Variants in SLC39A8 observed in about 807,000 individuals in gnomAD.
SLC39A8 encodes the protein metal cation symporter ZIP8.
SLC39A8 carries 15 observed loss-of-function variants against 40.4 expected under a neutral mutation model. The ratio of observed to expected loss-of-function variants is 0.37; its 90% CI spans 0.25 to 0.57. SLC39A8 has a LOEUF of 0.57. SLC39A8 is among the 20% of genes least tolerant of loss of function. The probability of loss-of-function intolerance (pLI) is 0.75; values close to 1 mark genes in which losing one functional copy is unlikely to be tolerated. For missense variants in SLC39A8, 472 were observed against 558.8 expected (o/e 0.84, Z 1.57); for synonymous variants, 223 against 221.6 (o/e 1.01, Z -0.06).
At chr4:102,304,937 A>G in intron 5 of SLC39A8, 52 bp downstream of exon 5, 1 of 1,496,490 alleles carries the variant, frequency 6.7e-7, no homozygotes, top group South Asian at 1.2e-5. Flanking sequence ...TTGCCTATAT[A>G]AAGTAGCTTT....
chr4:102,290,515 C>T (rs1271870798), intron 6 of SLC39A8, among the ~76,000 whole-genome samples: 1 of 152,038 alleles, frequency 6.6e-6, no homozygotes, highest in African/African-American at 2.4e-5. Context: ...GATCACCTGG[C>T]TCCCAGTGCA....
At chr4:102,328,311 A>C (rs1000644995) in intron 2 of SLC39A8, among the ~76,000 whole-genome samples, 1 of 151,394 alleles carries the variant, frequency 6.6e-6, no homozygotes, top group Admixed American at 6.6e-5. Flanking sequence ...GCTAAATACA[A>C]TGGGTGCTTC....
intron 3 of SLC39A8, among the ~76,000 whole-genome samples, chr4:102,310,922 C>T (rs181890087): frequency 5.4e-4 from 82 of 152,154 alleles, no homozygotes; most frequent in Admixed American, 7.9e-4. Flanking sequence ...CTTCTAAGAA[C>T]TTTACCTATT....
At chr4:102,341,539 T>A (rs1157240220) in intron 2 of SLC39A8, among the ~76,000 whole-genome samples, 2 of 152,204 alleles carry the variant, frequency 1.3e-5, no homozygotes, top group African/African-American at 2.4e-5. Context: ...CAGACCTTTA[T>A]CCAGAAATGA....
chr4:102,339,824 T>C (rs1004783649), intron 2 of SLC39A8, among the ~76,000 whole-genome samples: 5 of 152,114 alleles, frequency 3.3e-5, no homozygotes, highest in Non-Finnish European at 5.9e-5. Context: ...TCCAATACAT[T>C]CCACACTCTC....
At chr4:102,265,720 A>G (rs1309615316) in intron 8 of SLC39A8, among the ~76,000 whole-genome samples, 2 of 152,258 alleles carry the variant, frequency 1.3e-5, no homozygotes, top group Non-Finnish European at 2.9e-5. Context: ...TGATAGCTTA[A>G]TAGGAATATC....
downstream of SLC39A8, among the ~76,000 whole-genome samples, chr4:102,257,750 G>A (rs1731741408): frequency 6.6e-6 from 1 of 152,288 alleles, no homozygotes; most frequent in South Asian, 2.1e-4. Context: ...ATTTAGTCAC[G>A]GAGTAATGTC....
rs757617046 is a variant in SLC39A8, at chr4:102,262,323, A to G, written c.*721T>C. 8 of 985,614 alleles carry G rather than the reference A, an allele frequency of 8.1e-6. No homozygotes were observed. The highest frequency in any genetic ancestry group is 8.4e-6 in the Non-Finnish European group (7 of 829,932). 61.1% of individuals were successfully genotyped at this position (985,614 alleles called of 1,614,324 possible). On this transcript the variant is annotated 3_prime_UTR_variant, in exon 9 of 9. Coordinates refer to ENST00000356736, the MANE Select transcript of SLC39A8 (RefSeq NM_001135146.2). Reference sequence around the variant, plus strand: ...CATTTGTGAGGGGTGCAACCACAACATAAGTCAGAAAAAAAGCTATCCAGC... The same window carrying G: ...CATTTGTGAGGGGTGCAACCACAACGTAAGTCAGAAAAAAAGCTATCCAGC...
At chr4:102,282,310 A>C (rs11733504) in intron 6 of SLC39A8, among the ~76,000 whole-genome samples, 1 of 152,080 alleles carries the variant, frequency 6.6e-6, no homozygotes, top group East Asian at 1.9e-4. Context: ...CTCTCATGAC[A>C]TGTTCACAAA....
chr4:102,325,964 C>T (rs998271462), intron 2 of SLC39A8, among the ~76,000 whole-genome samples: 4 of 152,116 alleles, frequency 2.6e-5, no homozygotes, highest in African/African-American at 4.8e-5. Flanking sequence ...TTCAGCTTTT[C>T]GAGGTCTTGT....
In SLC39A8 at chr4:102,262,745, T is replaced by C. The variant is rs1373994656; in HGVS notation, c.*299A>G. ...CTGAGTCTGAGTGTCTACATGATTA[T>C]AGAATGCATGTCTCTTGCTTCATGG... On this transcript the variant is annotated 3_prime_UTR_variant, in exon 9 of 9. Coordinates refer to ENST00000356736, the MANE Select transcript of SLC39A8 (RefSeq NM_001135146.2). 6 of 1,069,044 alleles carry C rather than the reference T, an allele frequency of 5.6e-6. No homozygotes were observed. In the African/African-American group the frequency reaches 8.4e-5, roughly 15 times the overall value. 66.2% of individuals were successfully genotyped at this position (1,069,044 alleles called of 1,614,324 possible). A position where few individuals can be genotyped will look rare whatever the true frequency, so the allele number is the denominator to read the frequency against.
intron 2 of SLC39A8, among the ~76,000 whole-genome samples, chr4:102,329,745 T>A (rs1735368086): frequency 6.6e-6 from 1 of 150,886 alleles, no homozygotes. Context: ...CAGCACCACA[T>A]CGCACTTATT....
intron 2 of SLC39A8, among the ~76,000 whole-genome samples, chr4:102,318,484 A>G (rs1578610000): frequency 6.6e-6 from 1 of 152,216 alleles, no homozygotes; most frequent in South Asian, 2.1e-4. Flanking sequence ...ACAGTGGCCT[A>G]TTTCTGGCTT....
chr4:102,298,320 C>T (rs1733764221), intron 6 of SLC39A8, among the ~76,000 whole-genome samples: 1 of 151,924 alleles, frequency 6.6e-6, no homozygotes, highest in Non-Finnish European at 1.5e-5. Context: ...CTGTCCAGGG[C>T]AGGGATGCTC....
intron 6 of SLC39A8, among the ~76,000 whole-genome samples, chr4:102,278,343 T>C (rs1174428766): frequency 1.3e-5 from 2 of 152,168 alleles, no homozygotes; most frequent in African/African-American, 4.8e-5. Context: ...GAACAGACAC[T>C]TTTCAAAAGA....
intron 2 of SLC39A8, among the ~76,000 whole-genome samples, chr4:102,319,884 G>C (rs1200747293): frequency 6.6e-6 from 1 of 151,918 alleles, no homozygotes; most frequent in Non-Finnish European, 1.5e-5. Flanking sequence ...GCCCTCCCCA[G>C]TGTGAGTCCA....
At chr4:102,283,123 G>T (rs532651898) in intron 6 of SLC39A8, among the ~76,000 whole-genome samples, 2 of 152,300 alleles carry the variant, frequency 1.3e-5, no homozygotes, top group East Asian at 3.9e-4. Flanking sequence ...GGGCATAAAA[G>T]TAAGAATATT....
chr4:102,317,682 A>C (rs1734722364), intron 2 of SLC39A8, among the ~76,000 whole-genome samples: 1 of 152,180 alleles, frequency 6.6e-6, no homozygotes, highest in Admixed American at 6.6e-5. Context: ...ATAGCACATG[A>C]TAGCACACAC....
chr4:102,270,883 A>T (rs1034827320), intron 6 of SLC39A8, among the ~76,000 whole-genome samples: 8 of 152,252 alleles, frequency 5.3e-5, no homozygotes, highest in Admixed American at 2.0e-4. Context: ...AAAAAACAAA[A>T]TTTTTTTCAA....
Sources: allele counts gnomAD v4.1 joint callset (sites outside exome capture counted in the v4.1 genomes callset), GRCh38; gene constraint gnomAD v4.1.1; transcripts MANE v1.5; gene names NCBI Gene and HGNC (gene_info 2026-07-23, HGNC 2026-07-21).